Variants in BRINP3 observed in about 807,000 individuals in gnomAD.
The protein encoded by BRINP3 is BMP/retinoic acid inducible neural specific 3.
Under a neutral mutation model 71.0 loss-of-function variants are expected in BRINP3, and 19 were observed. The observed-to-expected ratio is 0.27, with a 90% CI of 0.19 to 0.39. The LOEUF is 0.39. Among genes scored for constraint, BRINP3 ranks in the 10% least tolerant of loss-of-function variants. The pLI is 1.00. For synonymous variants in BRINP3, 380 were observed against 337.7 expected (o/e 1.13, Z -1.37); for missense variants, 959 against 940.8 (o/e 1.02, Z -0.25).
chr1:190,320,334 G>T (rs550347116), intron 2 of BRINP3, among the ~76,000 whole-genome samples: 1 of 152,002 alleles, frequency 6.6e-6, no homozygotes. Context: ...AGTTGTAATT[G>T]TGGTGAGTTA....
chr1:190,127,616 A>G (rs1654196512), intron 7 of BRINP3, among the ~76,000 whole-genome samples: 1 of 151,938 alleles, frequency 6.6e-6, no homozygotes, highest in Non-Finnish European at 1.5e-5. Flanking sequence ...ACTAACCGTC[A>G]CTGTGGCCAA....
intron 2 of BRINP3, among the ~76,000 whole-genome samples, chr1:190,352,629 C>T (rs1430138119): frequency 4.6e-5 from 7 of 151,840 alleles, no homozygotes; most frequent in Admixed American, 4.6e-4. Context: ...TTTTTCAATG[C>T]TAAAACATAT....
intron 2 of BRINP3, among the ~76,000 whole-genome samples, chr1:190,305,110 T>TA (rs1406099422): frequency 2.6e-5 from 4 of 151,562 alleles, no homozygotes; most frequent in East Asian, 1.9e-4. Context: ...AATAAAAAAA[T>TA]AAAAAGTGTA....
chr1:190,104,050 G>GA (rs765338433), intron 7 of BRINP3, among the ~76,000 whole-genome samples: 3 of 151,786 alleles, frequency 2.0e-5, no homozygotes, highest in South Asian at 4.1e-4. Flanking sequence ...AAACTCAGAG[G>GA]AAAAAATCTA....
At chr1:190,186,477 A>G (rs1396273597) in intron 6 of BRINP3, among the ~76,000 whole-genome samples, 1 of 152,156 alleles carries the variant, frequency 6.6e-6, no homozygotes, top group African/African-American at 2.4e-5. Flanking sequence ...TGGATTTAAA[A>G]TACGAAAATA....
At chr1:190,184,107 A>T (rs1212742773) in intron 6 of BRINP3, among the ~76,000 whole-genome samples, 1 of 152,182 alleles carries the variant, frequency 6.6e-6, no homozygotes, top group African/African-American at 2.4e-5. Context: ...CAAAGAATTG[A>T]TAGCTGTATT....
intron 2 of BRINP3, among the ~76,000 whole-genome samples, chr1:190,283,745 G>A (rs1663214705): frequency 6.6e-6 from 1 of 150,876 alleles, no homozygotes; most frequent in East Asian, 1.9e-4. Flanking sequence ...TATATCTCAG[G>A]ATATATAGTA....
intron 6 of BRINP3, among the ~76,000 whole-genome samples, chr1:190,214,693 G>T (rs771750129): frequency 7.9e-5 from 12 of 152,046 alleles, no homozygotes; most frequent in Non-Finnish European, 1.5e-4. Context: ...TTTAGGGGTT[G>T]CTGTCAGCCT....
At chr1:190,366,684 A>G (rs1356295220) in intron 2 of BRINP3, among the ~76,000 whole-genome samples, 1 of 152,194 alleles carries the variant, frequency 6.6e-6, no homozygotes, top group Middle Eastern at 3.2e-3. Flanking sequence ...CAAATTAGTT[A>G]CTTCCTAGAT....
rs185793633 is a variant in BRINP3 at position 190,334,276 on chromosome 1, A to C, written c.237-52526T>G. 5.3e-5 allele frequency among the ~76,000 whole-genome samples: 8 copies of C among 151,968 alleles called. No homozygotes were observed. In the East Asian group the frequency reaches 1.6e-3, roughly 30 times the overall value. ...GAAGGCCCCTGCCCACGCTACGTTCAAGGAACACTCTTGTCCATTTGAGTC... is the reference window on the plus strand; with the variant it reads ...GAAGGCCCCTGCCCACGCTACGTTCCAGGAACACTCTTGTCCATTTGAGTC... On this transcript the variant is annotated intron_variant, in intron 2 of 7. Transcript: ENST00000367462.
At chr1:190,344,985 A>T (rs1446750623) in intron 2 of BRINP3, among the ~76,000 whole-genome samples, 2 of 151,894 alleles carry the variant, frequency 1.3e-5, no homozygotes, top group East Asian at 3.9e-4. Context: ...TTGAATATGC[A>T]TTACGTACAT....
chr1:190,184,280 G>A lies in BRINP3; in HGVS notation c.962-23390C>T, dbSNP rs138578854. ...AAAAGAGAATGCTTGTACACTGTTG[G>A]TGGGAATATAAATTAGTTCAGCCAC... On this transcript the variant is annotated intron_variant, in intron 6 of 7. Transcript: ENST00000367462. Among the ~76,000 whole-genome samples, 826 of 152,218 alleles carry A rather than the reference G, an allele frequency of 5.4e-3. 6 individuals carry two copies. The highest frequency in any genetic ancestry group is 0.018 in the African/African-American group (753 of 41,550).
intron 6 of BRINP3, among the ~76,000 whole-genome samples, chr1:190,163,160 A>G (rs1339129592): frequency 1.3e-5 from 2 of 152,226 alleles, no homozygotes; most frequent in South Asian, 2.1e-4. Flanking sequence ...TGAATGATGC[A>G]TTAGTATTAT....
intron 2 of BRINP3, among the ~76,000 whole-genome samples, chr1:190,325,986 G>A (rs960087188): frequency 1.3e-5 from 2 of 152,022 alleles, no homozygotes; most frequent in Non-Finnish European, 2.9e-5. Context: ...ACAATAAATT[G>A]CAAGGAAGCT....
intron 7 of BRINP3, among the ~76,000 whole-genome samples, chr1:190,123,906 CA>C (rs1653880485): frequency 6.6e-6 from 1 of 152,112 alleles, no homozygotes; most frequent in Non-Finnish European, 1.5e-5. Context: ...TAGATAGTTG[CA>C]TCAAACTTTG....
intron 2 of BRINP3, among the ~76,000 whole-genome samples, chr1:190,412,815 TA>T (rs911626004): frequency 3.9e-5 from 6 of 151,982 alleles, no homozygotes; most frequent in Non-Finnish European, 8.8e-5. Flanking sequence ...GTAAAAATGT[TA>T]AAAAAATTTT....
intron 2 of BRINP3, among the ~76,000 whole-genome samples, chr1:190,352,603 A>G (rs1308119884): frequency 2.6e-5 from 4 of 151,988 alleles, no homozygotes; most frequent in East Asian, 1.9e-4. Flanking sequence ...AAAGAATTAA[A>G]AGGATGCAGA....
chr1:190,460,938 G>A (rs74825881), intron 1 of BRINP3, among the ~76,000 whole-genome samples: 12 of 151,756 alleles, frequency 7.9e-5, no homozygotes, highest in Non-Finnish European at 1.6e-4. Context: ...CATAGTATAC[G>A]CTCAACAATA....
chr1:190,157,045 A>G (rs576809420), intron 7 of BRINP3, among the ~76,000 whole-genome samples: 1 of 151,826 alleles, frequency 6.6e-6, no homozygotes, highest in South Asian at 2.1e-4. Context: ...CACTCACCTC[A>G]CATATATCTG....
Sources: gnomAD v4.1 joint callset for allele counts (sites outside exome capture counted in the v4.1 genomes callset) on GRCh38, gnomAD v4.1.1 for gene constraint, MANE v1.5 for transcripts, NCBI Gene and HGNC (gene_info 2026-07-23, HGNC 2026-07-21) for gene names.